Variants in FADS6 observed in about 807,000 individuals in gnomAD.
The protein encoded by FADS6 is fatty acid desaturase domain family, member 6.
A neutral mutation model predicts 31.7 loss-of-function variants in FADS6; 28 were observed. The observed-to-expected ratio is 0.88, with a 90% CI of 0.66 to 1.21. The LOEUF is 1.21. Ranked by LOEUF, FADS6 falls within the 50% of genes most tolerant of loss-of-function variation. The pLI, the probability that FADS6 is intolerant of heterozygous loss-of-function variation, is 0.00. For missense variants in FADS6, 494 were observed against 504.2 expected, an observed-to-expected ratio of 0.98 and a Z score of 0.19; for synonymous variants, 191 against 213.1, an observed-to-expected ratio of 0.90 and a Z score of 0.90.
Position 74,892,657 on chromosome 17 carries a change from C to G in FADS6, c.277G>C (p.Val93Leu). 6.2e-7 allele frequency: 1 copy of G among 1,613,156 alleles called. No individual in the cohort carries two copies. Among genetic ancestry groups the G allele is most frequent in the South Asian group, 1.1e-5 (1 of 90,952 alleles). Residue 93 changes from valine to leucine, a missense_variant, in exon 2 of 6, where the codon GTC (valine) becomes CTC (leucine). Around this residue, in one of 2 missense-constraint regions of FADS6, gnomAD observed 454 missense variants for 438.5 expected, o/e 1.04. Coordinates refer to ENST00000612771, the MANE Select transcript of FADS6 (RefSeq NM_178128.6). ...AAGATGGTGATGCCGGATGCAAAGA[C>G]CAGGGCATTCTCCCAGCGCAGGCAC... Reference protein sequence around the residue: ...FLCLRWENALVFASGITILGV... With the variant: ...FLCLRWENALLFASGITILGV...
intron 1 of FADS6, 33 bp from the exon 2 acceptor site, chr17:74,892,722 C>T: frequency 1.3e-6 from 2 of 1,583,026 alleles, no homozygotes; most frequent in Non-Finnish European, 8.6e-7. Context: ...ACGGGTCTTT[C>T]TCTAGCTCTG....
chr17:74,885,305 A>C (rs1447420385), intron 2 of FADS6, among the ~76,000 whole-genome samples: 1 of 130,846 alleles, frequency 7.6e-6, no homozygotes, highest in Non-Finnish European at 1.7e-5. Flanking sequence ...AAAACCACAA[A>C]AAAAAAAAAT....
chr17:74,888,154 A>ACACGCGCGCGCGCGCGCG (rs1245891792), intron 2 of FADS6, among the ~76,000 whole-genome samples: 1 of 134,740 alleles, frequency 7.4e-6, no homozygotes, highest in Non-Finnish European at 1.6e-5. Flanking sequence ...ACACACACAC[A>ACACGCGCGCGCGCGCGCG]CGCGCGCGCG....
intron 3 of FADS6, 22 bp from the exon 4 acceptor site, chr17:74,881,277 G>T: frequency 6.4e-7 from 1 of 1,573,388 alleles, no homozygotes; most frequent in Non-Finnish European, 8.6e-7. Context: ...GGAGGGGACA[G>T]GCAAGGCTCA....
At chr17:74,878,622 T>A in intron 5 of FADS6, 145 bp from the exon 6 acceptor site, 3 of 980,832 alleles carry the variant, frequency 3.1e-6, no homozygotes, top group Non-Finnish European at 4.4e-6. Flanking sequence ...CAGAAGGGCT[T>A]AAGTCAGAGA....
intron 2 of FADS6, among the ~76,000 whole-genome samples, chr17:74,888,403 T>G (rs909179381): frequency 6.6e-6 from 1 of 152,008 alleles, no homozygotes; most frequent in African/African-American, 2.4e-5. Flanking sequence ...AAATAAGAAG[T>G]TGTAGTTGAA....
chr17:74,887,072 T>G (rs1222243837), intron 2 of FADS6, among the ~76,000 whole-genome samples: 1 of 151,348 alleles, frequency 6.6e-6, no homozygotes, highest in Non-Finnish European at 1.5e-5. Context: ...TTTTTTTTTT[T>G]TTTTTTGAGA....
chr17:74,892,704 G>T lies in FADS6; in HGVS notation c.245-15C>A, dbSNP rs759382803. ...GCACAGGAAGCCTGCGTGGAGAGGA[G>T]GAAGAAGACGGGTCTTTCTCTAGCT... On this transcript the variant is annotated splice_polypyrimidine_tract_variant and intron_variant, in intron 1 of 5. Transcript: ENST00000612771. 6.2e-7 allele frequency: 1 copy of T among 1,602,814 alleles called. No homozygotes were observed. Among genetic ancestry groups the T allele is most frequent in the Non-Finnish European group, 8.5e-7 (1 of 1,175,012 alleles).
At chr17:74,891,275 C>T (rs1231648320) in intron 2 of FADS6, among the ~76,000 whole-genome samples, 2 of 151,886 alleles carry the variant, frequency 1.3e-5, no homozygotes, top group Admixed American at 6.6e-5. Flanking sequence ...TGACCTCAGG[C>T]GATCCACCTG....
At chr17:74,880,788 C>T (rs929667474) in intron 4 of FADS6, among the ~76,000 whole-genome samples, 3 of 152,208 alleles carry the variant, frequency 2.0e-5, no homozygotes, top group African/African-American at 7.2e-5. Context: ...AGCTCCTGTT[C>T]ACCCCTGATT....
intron 3 of FADS6, among the ~76,000 whole-genome samples, chr17:74,881,809 G>A (rs1246782601): frequency 1.3e-5 from 2 of 152,006 alleles, no homozygotes; most frequent in East Asian, 3.8e-4. Flanking sequence ...ATCTGACCAA[G>A]GTCAAGCCCT....
chr17:74,890,890 G>T (rs1355917473), intron 2 of FADS6, among the ~76,000 whole-genome samples: 2 of 152,148 alleles, frequency 1.3e-5, no homozygotes, highest in Admixed American at 6.5e-5. Flanking sequence ...GTGGGTATCA[G>T]ATTCACCTGT....
Position 74,892,699 on chromosome 17 carries a change from G to A in FADS6, c.245-10C>T, listed in dbSNP as rs774238356. On this transcript the variant is annotated splice_polypyrimidine_tract_variant and intron_variant, in intron 1 of 5. Coordinates refer to ENST00000612771, the MANE Select transcript of FADS6 (RefSeq NM_178128.6). Reference sequence around the variant, plus strand: ...CGCAGGCACAGGAAGCCTGCGTGGAGAGGAGGAAGAAGACGGGTCTTTCTC... The same window carrying A: ...CGCAGGCACAGGAAGCCTGCGTGGAAAGGAGGAAGAAGACGGGTCTTTCTC... 6.2e-7 allele frequency: 1 copy of A among 1,606,704 alleles called. No homozygotes were observed. Among genetic ancestry groups the A allele is most frequent in the South Asian group, 1.1e-5 (1 of 90,414 alleles).
At chr17:74,876,625 C>T (rs1441053296), downstream of FADS6, among the ~76,000 whole-genome samples, 1 of 152,024 alleles carries the variant, frequency 6.6e-6, no homozygotes, top group East Asian at 1.9e-4. Context: ...GGTGAAACTC[C>T]GTCTCTACTA....
At chr17:74,884,810 C>T (rs1461633368) in intron 2 of FADS6, among the ~76,000 whole-genome samples, 1 of 152,028 alleles carries the variant, frequency 6.6e-6, no homozygotes, top group Non-Finnish European at 1.5e-5. Flanking sequence ...CGGGTTCAAG[C>T]GATTCTCCTG....
intron 3 of FADS6, among the ~76,000 whole-genome samples, chr17:74,881,691 T>C (rs1338665265): frequency 1.4e-5 from 2 of 145,174 alleles, no homozygotes; most frequent in South Asian, 2.1e-4. Flanking sequence ...GTTGAGATTG[T>C]GCCACTGCAC....
At position 74,878,323 on chromosome 17, in the gene FADS6, C is replaced by A. The variant is rs746376376; in HGVS notation, c.*8G>T. ...GAGGGGCAGGGTGGCTGCACCGGCC[C>A]GGCCTCATTACAGCCCCACAAGCTC... On this transcript the variant is annotated 3_prime_UTR_variant, in exon 6 of 6. Transcript: ENST00000612771. 3.7e-6 allele frequency: 6 copies of A among 1,611,342 alleles called. No individual in the cohort carries two copies. The South Asian group carries it at 6.6e-5, about 18-fold the overall frequency.
Position 74,893,531 on chromosome 17 carries a change from G to GTAGGTTCCATGGGCTCCA in FADS6, c.64_65insTGGAGCCCATGGAACCTA (p.Pro21_Thr22insMetGluProMetGluPro). 1.4e-6 allele frequency: 2 copies of GTAGGTTCCATGGGCTCCA among 1,434,540 alleles called. No homozygotes were observed. The highest frequency in any genetic ancestry group is 2.6e-5 in the East Asian group (1 of 38,016). 88.9% of individuals were successfully genotyped at this position (1,434,540 alleles called of 1,614,324 possible). On this transcript the variant is annotated inframe_insertion, in exon 1 of 6. Coordinates refer to ENST00000612771, the MANE Select transcript of FADS6 (RefSeq NM_178128.6). ...GGGCTCCGTAGGTTCCATGGGCTCC[G>GTAGGTTCCATGGGCTCCA]TAGGTTCCATGGGCTCCGTAGGTTC...
At position 74,893,531 on chromosome 17, in the gene FADS6, G is replaced by T; in HGVS notation, c.65C>A (p.Thr22Lys). ...PMEPTEPMEP[T>K]EPMEPTEPME... ...GGGCTCCGTAGGTTCCATGGGCTCC[G>T]TAGGTTCCATGGGCTCCGTAGGTTC... The change falls in exon 1 of 6, where the codon ACG becomes AAG. Residue 22 changes from threonine (T) to lysine (K), a missense_variant. By Grantham distance (78) the Thr-to-Lys change is moderately conservative. This residue lies in a region of FADS6 where 40 missense variants were observed against 65.7 expected (regional missense o/e 0.61). Coordinates refer to ENST00000612771, the MANE Select transcript of FADS6 (RefSeq NM_178128.6). 6 of 1,434,540 alleles carry T rather than the reference G, an allele frequency of 4.2e-6. No homozygotes were observed. Among genetic ancestry groups the T allele is most frequent in the Non-Finnish European group, 4.6e-6 (5 of 1,080,954 alleles). The allele number at this position is 1,434,540 out of a possible 1,614,324, so 88.9% of individuals were successfully genotyped here. A position where few individuals can be genotyped will look rare whatever the true frequency, so the allele number is the denominator to read the frequency against.
Sources: gnomAD v4.1 joint callset for allele counts (sites outside exome capture counted in the v4.1 genomes callset) on GRCh38, gnomAD v4.1.1 for gene constraint, gnomAD v4.1.1 regional missense constraint, MANE v1.5 for transcripts, NCBI Gene and HGNC (gene_info 2026-07-23, HGNC 2026-07-21) for gene names.